Variants in ITPKC observed in about 807,000 individuals in gnomAD.
The protein encoded by ITPKC is inositol-trisphosphate 3-kinase C.
In ITPKC, 33 loss-of-function variants were observed where a neutral mutation model predicts 67.1. The ratio of observed to expected loss-of-function variants is 0.49; its 90% CI spans 0.37 to 0.66. The LOEUF (loss-of-function observed/expected upper bound fraction) is 0.66, where lower values mean the gene tolerates loss of function less well. Among genes scored for constraint, ITPKC ranks in the 30% least tolerant of loss-of-function variants. ITPKC has a pLI of 0.00. For synonymous variants in ITPKC, 341 were observed against 359.8 expected (o/e 0.95, Z 0.59); for missense variants, 820 against 892.1 (o/e 0.92, Z 1.03).
At chr19:40,724,620 C>T (rs1383847211) in intron 1 of ITPKC, among the ~76,000 whole-genome samples, 2 of 152,108 alleles carry the variant, frequency 1.3e-5, no homozygotes, top group Non-Finnish European at 2.9e-5. Flanking sequence ...CCCAAAAGGT[C>T]TGACCTGGTT....
chr19:40,740,498 G>T lies in ITPKC; in HGVS notation c.*938G>T. 4.7e-6 allele frequency: 1 copy of T among 212,088 alleles called. No homozygotes were observed. The highest frequency in any genetic ancestry group is 9.4e-6 in the Non-Finnish European group (1 of 106,226). 13.1% of individuals were successfully genotyped at this position (212,088 alleles called of 1,614,324 possible). A position where few individuals can be genotyped will look rare whatever the true frequency, so the allele number is the denominator to read the frequency against. On this transcript the variant is annotated 3_prime_UTR_variant, in exon 7 of 7. Coordinates refer to ENST00000263370, the MANE Select transcript of ITPKC (RefSeq NM_025194.3). ...GGGCCCCTGCAGGGAAAAGCGCTGG[G>T]TGTGTGTCAGAGGCGCAGGGTGGGT...
chr19:40,731,010 C>T (rs946552156), intron 3 of ITPKC, among the ~76,000 whole-genome samples: 3 of 151,712 alleles, frequency 2.0e-5, no homozygotes, highest in Admixed American at 6.6e-5. Flanking sequence ...TTCAGGCCTT[C>T]GAAACTTCTG....
At chr19:40,729,476 A>G in intron 3 of ITPKC, 61 bp downstream of exon 3, 1 of 1,488,996 alleles carries the variant, frequency 6.7e-7, no homozygotes, top group South Asian at 1.2e-5. Context: ...TATTGAAAAT[A>G]TTGGCCTGGC....
chr19:40,725,420 C>G lies in ITPKC; in HGVS notation c.1236C>G (p.Val412=). The G allele has an allele frequency of 6.2e-7, 1 of 1,611,310 alleles. No individual in the cohort carries two copies. Among genetic ancestry groups the G allele is most frequent in the Non-Finnish European group, 8.5e-7 (1 of 1,177,366 alleles). Residue 412 remains valine, a synonymous_variant, in exon 2 of 7, where the codon GTC becomes GTG. Coordinates refer to ENST00000263370, the MANE Select transcript of ITPKC (RefSeq NM_025194.3). Reference sequence around the variant, plus strand: ...CCTTCCGAAAACACTACCCTTGGGTCCAGCTTTCTGGACATGCTGGTAAGT... The same window carrying G: ...CCTTCCGAAAACACTACCCTTGGGTGCAGCTTTCTGGACATGCTGGTAAGT... ...VVSFRKHYPW[V]QLSGHAGNFQ... is the part of the protein sequence containing the mutation.
chr19:40,723,509 T>C (rs2144736641), intron 1 of ITPKC, among the ~76,000 whole-genome samples: 1 of 152,084 alleles, frequency 6.6e-6, no homozygotes, highest in East Asian at 1.9e-4. Flanking sequence ...TGTTTTTTTT[T>C]TGTTTTTGAG....
chr19:40,738,287 G>A lies in ITPKC; in HGVS notation c.1848+518G>A, dbSNP rs1358253692. On this transcript the variant is annotated intron_variant, in intron 6 of 6. Transcript: ENST00000263370. ...ACTAAAAAATACAAAAAATTAGCCG[G>A]GCGTGGTGGCGGGCGCCTGTAGTCC... 2.0e-5 allele frequency among the ~76,000 whole-genome samples: 3 copies of A among 152,226 alleles called. No individual in the cohort carries two copies. The East Asian group carries it at 5.8e-4, about 29-fold the overall frequency.
At chr19:40,724,817 C>T (rs2082238302) in intron 1 of ITPKC, among the ~76,000 whole-genome samples, 1 of 152,014 alleles carries the variant, frequency 6.6e-6, no homozygotes, top group African/African-American at 2.4e-5. Flanking sequence ...GACATGGTGG[C>T]ATGCACCTGT....
chr19:40,717,735 C>G lies in ITPKC; in HGVS notation c.600C>G (p.Asn200Lys). 6.2e-7 allele frequency: 1 copy of G among 1,613,822 alleles called. No individual in the cohort carries two copies. The highest frequency in any genetic ancestry group is 8.5e-7 in the Non-Finnish European group (1 of 1,179,882). Residue 200 changes from asparagine to lysine, a missense_variant, in exon 1 of 7, where the codon AAC becomes AAG. Physicochemically the swap from Asn to Lys is moderately conservative, Grantham distance 94. This residue lies in a region of ITPKC where 481 missense variants were observed against 470.1 expected (regional missense o/e 1.02). Coordinates refer to ENST00000263370, the MANE Select transcript of ITPKC (RefSeq NM_025194.3). ...CTGATAACCTCTGGACCCACCAGAA[C>G]AGTTCCAGCCTCCAGACTCACCCAG... ...SWADNLWTHQ[N>K]SSSLQTHPEG...
Position 40,717,903 on chromosome 19 carries a change from A to C in ITPKC, c.768A>C (p.Glu256Asp). ...GCTCCCAGAAAAAACAGGATACTGA[A>C]GCAGCCAGGAAACAGCCTGGCACTG... is the stretch of plus-strand genomic sequence containing the variant. The part of the protein sequence containing the change: ...TDGSQKKQDT[E>D]AARKQPGTGG... Residue 256 changes from glutamate (E) to aspartate (D), a missense_variant, in exon 1 of 7, where the codon GAA becomes GAC. Physicochemically the swap from Glu to Asp is conservative, Grantham distance 45. Coordinates refer to ENST00000263370, the MANE Select transcript of ITPKC (RefSeq NM_025194.3). 1 of 1,614,192 alleles carries C rather than the reference A, an allele frequency of 6.2e-7. No individual in the cohort carries two copies. The highest frequency in any genetic ancestry group is 8.5e-7 in the Non-Finnish European group (1 of 1,180,022).
At chr19:40,734,220 C>T (rs1441162393) in intron 4 of ITPKC, among the ~76,000 whole-genome samples, 1 of 151,998 alleles carries the variant, frequency 6.6e-6, no homozygotes, top group Non-Finnish European at 1.5e-5. Flanking sequence ...TTTTTTTCCC[C>T]CACAGCTATG....
chr19:40,736,923 G>A, intron 4 of ITPKC, 63 bp from the exon 5 acceptor site: 1 of 1,122,496 alleles, frequency 8.9e-7, no homozygotes, highest in South Asian at 1.3e-5. Flanking sequence ...ATTTGAGGTT[G>A]CTGGGTATTG....
chr19:40,738,001 A>AG (rs2082302972), intron 6 of ITPKC, among the ~76,000 whole-genome samples: 1 of 151,854 alleles, frequency 6.6e-6, no homozygotes, highest in African/African-American at 2.4e-5. Flanking sequence ...GGAAAAAAAA[A>AG]AAAAAAAAAA....
intron 4 of ITPKC, among the ~76,000 whole-genome samples, chr19:40,734,940 C>T (rs1599655361): frequency 6.6e-6 from 1 of 152,104 alleles, no homozygotes. Flanking sequence ...CACCACCGCT[C>T]CTGGCTAATT....
rs752873516 is a variant in ITPKC at position 40,733,140 on chromosome 19, C to T, written c.1470-20C>T. On this transcript the variant is annotated intron_variant, in intron 3 of 6. Coordinates refer to ENST00000263370, the MANE Select transcript of ITPKC (RefSeq NM_025194.3). The stretch of plus-strand genomic sequence containing the variant: ...GTTTGTTCTACATAATTTCCTTTGT[C>T]ACATCCTCTGTGTGCTCAGGACCTA... 6.2e-7 allele frequency: 1 copy of T among 1,609,588 alleles called. No homozygotes were observed. Among genetic ancestry groups the T allele is most frequent in the Admixed American group, 1.7e-5 (1 of 59,928 alleles).
chr19:40,727,873 G>A (rs1446684437), intron 2 of ITPKC, among the ~76,000 whole-genome samples: 1 of 152,124 alleles, frequency 6.6e-6, no homozygotes. Flanking sequence ...GGAGTGCAGT[G>A]GTGCAGTCAT....
Position 40,718,187 on chromosome 19 carries a change from A to AG in ITPKC, c.1058dup (p.Ser354GlnfsTer14). On this transcript the variant is annotated frameshift_variant, in exon 1 of 7. Transcript: ENST00000263370. LOFTEE classifies it high-confidence loss of function. The stretch of plus-strand genomic sequence containing the variant: ...CCAGTGGGACCCCCCTCCCGGGTTG[A>AG]GGGGGGCAGCGGCGGCTTCTCCTCT... The AG allele has an allele frequency of 2.5e-6, 4 of 1,582,156 alleles. No individual in the cohort carries two copies. The highest frequency in any genetic ancestry group is 2.6e-6 in the Non-Finnish European group (3 of 1,165,564).
chr19:40,739,568 A>C lies in ITPKC; in HGVS notation c.*8A>C. 6.2e-7 allele frequency: 1 copy of C among 1,609,894 alleles called. No homozygotes were observed. Among genetic ancestry groups the C allele is most frequent in the Non-Finnish European group, 8.5e-7 (1 of 1,178,082 alleles). Reference sequence around the variant, plus strand: ...GGGCTGGCACAGAGCTGAGCTGCTCAGCCACCATCAGGTTAATTGGATGGC... The same window carrying C: ...GGGCTGGCACAGAGCTGAGCTGCTCCGCCACCATCAGGTTAATTGGATGGC... On this transcript the variant is annotated 3_prime_UTR_variant, in exon 7 of 7. Transcript: ENST00000263370.
At chr19:40,719,381 A>C (rs1369414056) in intron 1 of ITPKC, among the ~76,000 whole-genome samples, 1 of 151,910 alleles carries the variant, frequency 6.6e-6, no homozygotes, top group African/African-American at 2.4e-5. Flanking sequence ...AATAATAATA[A>C]TAATAATAAT....
intron 3 of ITPKC, among the ~76,000 whole-genome samples, chr19:40,732,949 T>A (rs2082278439): frequency 6.6e-6 from 1 of 152,214 alleles, no homozygotes; most frequent in African/African-American, 2.4e-5. Flanking sequence ...CAGCACTGTT[T>A]ATTGAAAAGA....
Sources: gnomAD v4.1 joint callset for allele counts (sites outside exome capture counted in the v4.1 genomes callset) on GRCh38, gnomAD v4.1.1 for gene constraint, gnomAD v4.1.1 regional missense constraint, MANE v1.5 for transcripts, NCBI Gene and HGNC (gene_info 2026-07-23, HGNC 2026-07-21) for gene names.